SHISA9: variants seen among roughly 807,000 people sequenced by gnomAD.
SHISA9 encodes the protein shisa family member 9.
SHISA9 carries 13 observed loss-of-function variants against 38.0 expected under a neutral mutation model. The observed-to-expected ratio is 0.34, with a 90% CI of 0.22 to 0.54. SHISA9 has a LOEUF of 0.54. Ranked by LOEUF, SHISA9 falls within the 20% of genes least tolerant of loss-of-function variation. SHISA9 has a pLI of 0.91. For missense variants in SHISA9, 538 were observed against 575.8 expected, an observed-to-expected ratio of 0.93 and a Z score of 0.67; for synonymous variants, 275 against 242.0, an observed-to-expected ratio of 1.14 and a Z score of -1.27.
the SHISA9 span, among the ~76,000 whole-genome samples, chr16:13,299,080 G>T: frequency 6.6e-6 from 1 of 152,196 alleles, no homozygotes; most frequent in African/African-American, 2.4e-5. Context: ...CCCAAGGGCA[G>T]CCAGTGACCT....
intron 2 of SHISA9, among the ~76,000 whole-genome samples, chr16:13,159,616 C>T (rs1036797479): frequency 3.3e-5 from 5 of 152,336 alleles, no homozygotes; most frequent in East Asian, 1.9e-4. Context: ...TTTGAGCATA[C>T]GCTTTTCTCT....
At chr16:13,047,669 A>C (rs930758320) in intron 2 of SHISA9, among the ~76,000 whole-genome samples, 1 of 152,210 alleles carries the variant, frequency 6.6e-6, no homozygotes, top group South Asian at 2.1e-4. Flanking sequence ...AAAAGTGAGA[A>C]GAAATAAACA....
intron 2 of SHISA9, among the ~76,000 whole-genome samples, chr16:13,202,519 G>T (rs2051015569): frequency 1.6e-5 from 2 of 127,856 alleles, no homozygotes; most frequent in South Asian, 2.4e-4. Flanking sequence ...TATACACATA[G>T]GTTATATTAC....
chr16:13,527,705 G>C, the SHISA9 span, among the ~76,000 whole-genome samples: 2 of 152,184 alleles, frequency 1.3e-5, no homozygotes, highest in Non-Finnish European at 2.9e-5. Context: ...CCGACACTCA[G>C]ATCTGCTCTT....
the SHISA9 span, among the ~76,000 whole-genome samples, chr16:13,304,259 G>A: frequency 8.5e-5 from 13 of 152,148 alleles, no homozygotes; most frequent in African/African-American, 2.9e-4. Context: ...CACGGAAGTT[G>A]CCTTTTATTT....
the SHISA9 span, among the ~76,000 whole-genome samples, chr16:13,402,219 G>A: frequency 6.6e-6 from 1 of 152,200 alleles, no homozygotes; most frequent in Non-Finnish European, 1.5e-5. Context: ...CTGTCTGCAA[G>A]TTGGAGAACC....
At chr16:13,226,632 G>A (rs185507503) in intron 4 of SHISA9, among the ~76,000 whole-genome samples, 3 of 152,258 alleles carry the variant, frequency 2.0e-5, no homozygotes, top group South Asian at 2.1e-4. Context: ...ACCATTTATC[G>A]AGATCATGAT....
intron 2 of SHISA9, among the ~76,000 whole-genome samples, chr16:13,059,582 A>G (rs1307874999): frequency 2.6e-5 from 4 of 152,136 alleles, no homozygotes; most frequent in Admixed American, 6.5e-5. Context: ...CTTCATACCT[A>G]GGTGATGGGT....
chr16:13,397,933 G>C, the SHISA9 span, among the ~76,000 whole-genome samples: 8 of 152,204 alleles, frequency 5.3e-5, no homozygotes, highest in African/African-American at 1.9e-4. Flanking sequence ...CAGCAGAGCG[G>C]GGAGCCAGAA....
At chr16:13,326,646 G>A in the SHISA9 span, among the ~76,000 whole-genome samples, 48 of 152,232 alleles carry the variant, frequency 3.2e-4, no homozygotes, top group African/African-American at 7.0e-4. Flanking sequence ...GCTTGAACGC[G>A]GGAGTTGGAG....
chr16:13,295,381 AC>A, the SHISA9 span, among the ~76,000 whole-genome samples: 1 of 152,150 alleles, frequency 6.6e-6, no homozygotes, highest in East Asian at 1.9e-4. Flanking sequence ...CAGGCCTCCT[AC>A]CCTTCTGGAA....
Position 12,902,210 on chromosome 16 carries a change from C to A in SHISA9, c.146C>A (p.Ala49Asp). Residue 49 changes from alanine (A) to aspartate (D), a missense_variant, in exon 1 of 5, where the codon GCC becomes GAC. By Grantham distance (126) the Ala-to-Asp change is moderately radical. Coordinates refer to ENST00000558583, the MANE Select transcript of SHISA9 (RefSeq NM_001145204.3). ...LLLAGGNRSGAASGEASEGAE... is the reference protein window; with the variant it reads ...LLLAGGNRSGDASGEASEGAE... ...CTGGCGGGGGGCAACCGCTCCGGGG[C>A]CGCCTCCGGAGAGGCCAGCGAGGGC... The A allele has an allele frequency of 6.5e-7, 1 of 1,532,742 alleles. No homozygotes were observed. The allele number at this position is 1,532,742 out of a possible 1,614,324, so 94.9% of individuals were successfully genotyped here.
intron 2 of SHISA9, among the ~76,000 whole-genome samples, chr16:13,015,854 CTT>C (rs1311458046): frequency 4.0e-4 from 6 of 15,104 alleles, no homozygotes; most frequent in African/African-American, 2.9e-3. Context: ...CTTTCTTTCC[CTT>C]TCTTTCTTTC....
chr16:13,128,715 A>C (rs562524248), intron 2 of SHISA9, among the ~76,000 whole-genome samples: 3 of 152,312 alleles, frequency 2.0e-5, no homozygotes, highest in African/African-American at 7.2e-5. Flanking sequence ...ACTGGGAGGC[A>C]GACTTGGGTC....
At chr16:13,525,300 G>A in the SHISA9 span, among the ~76,000 whole-genome samples, 5 of 152,052 alleles carry the variant, frequency 3.3e-5, no homozygotes, top group Non-Finnish European at 7.4e-5. Context: ...TGAATGAATC[G>A]GATGCCATCT....
intron 2 of SHISA9, among the ~76,000 whole-genome samples, chr16:13,041,402 G>A (rs2073130295): frequency 6.6e-6 from 1 of 152,094 alleles, no homozygotes; most frequent in South Asian, 2.1e-4. Context: ...CATTCATCAG[G>A]GCTTTGTAAC....
intron 2 of SHISA9, among the ~76,000 whole-genome samples, chr16:13,034,698 C>T (rs951903013): frequency 3.3e-5 from 5 of 152,108 alleles, no homozygotes; most frequent in Non-Finnish European, 7.4e-5. Flanking sequence ...TTTGTTTTGG[C>T]CAATAGAATA....
the SHISA9 span, among the ~76,000 whole-genome samples, chr16:13,290,438 A>G: frequency 6.6e-6 from 1 of 151,818 alleles, no homozygotes; most frequent in Non-Finnish European, 1.5e-5. Flanking sequence ...GTTAAGACCT[A>G]GGAGGATGGA....
At chr16:13,113,798 C>G (rs1283870559) in intron 2 of SHISA9, among the ~76,000 whole-genome samples, 1 of 152,106 alleles carries the variant, frequency 6.6e-6, no homozygotes, top group Non-Finnish European at 1.5e-5. Flanking sequence ...AGAAAAAGGT[C>G]CAGGCCTGTA....
Sources: allele counts gnomAD v4.1 joint callset (sites outside exome capture counted in the v4.1 genomes callset), GRCh38; gene constraint gnomAD v4.1.1; transcripts MANE v1.5; gene names NCBI Gene and HGNC (gene_info 2026-07-23, HGNC 2026-07-21).